Variants in RABGEF1 observed in about 807,000 individuals in gnomAD.
The protein encoded by RABGEF1 is rab5 GDP/GTP exchange factor.
In RABGEF1, 26 loss-of-function variants were observed where a neutral mutation model predicts 57.3. The observed-to-expected ratio is 0.45, with a 90% CI of 0.33 to 0.63. The LOEUF (loss-of-function observed/expected upper bound fraction) is 0.63. Ranked by LOEUF, RABGEF1 falls within the 20% of genes least tolerant of loss-of-function variation. The pLI is 0.02. For missense variants in RABGEF1, 464 were observed against 607.6 expected (o/e 0.76, Z 2.48); for synonymous variants, 185 against 210.7 (o/e 0.88, Z 1.06).
chr7:66,682,101 T>G (rs559021077), upstream of RABGEF1: 2 of 167,858 alleles, frequency 1.2e-5, no homozygotes, highest in South Asian at 4.1e-4. Context: ...GGGCGTGCGC[T>G]GGCGGTGCCG....
chr7:66,718,616 C>T (rs1220417888), intron 2 of RABGEF1, among the ~76,000 whole-genome samples: 1 of 152,132 alleles, frequency 6.6e-6, no homozygotes, highest in African/African-American at 2.4e-5. Flanking sequence ...CAACTTCCTA[C>T]CTGCACTCCG....
chr7:66,693,396 T>C lies in RABGEF1; in HGVS notation c.-873+11138T>C, dbSNP rs111536055. On this transcript the variant is annotated intron_variant and NMD_transcript_variant, in intron 1 of 9. Coordinates refer to the RABGEF1 transcript ENST00000607882. ...CTCCCCTGGCTTCCTTACTCCCTGGTTTCCTGGCCTGGGCTTCCAGGGCAG... is the reference window on the plus strand; with the variant it reads ...CTCCCCTGGCTTCCTTACTCCCTGGCTTCCTGGCCTGGGCTTCCAGGGCAG... Among the ~76,000 whole-genome samples the C allele has an allele frequency of 2.8e-3, 429 of 152,328 alleles. 1 individual carries two copies. Among genetic ancestry groups the C allele is most frequent in the African/African-American group, 9.9e-3 (413 of 41,586 alleles).
chr7:66,733,862 A>G (rs745539070), intron 2 of RABGEF1, among the ~76,000 whole-genome samples: 1 of 151,892 alleles, frequency 6.6e-6, no homozygotes, highest in Non-Finnish European at 1.5e-5. Flanking sequence ...AAAATTAGCC[A>G]GGTGTGGTGG....
At chr7:66,677,260 G>A (rs1444547615), upstream of RABGEF1, among the ~76,000 whole-genome samples, 2 of 151,982 alleles carry the variant, frequency 1.3e-5, no homozygotes, top group African/African-American at 4.8e-5. Context: ...CATGATAAAG[G>A]CCACGCCTGA....
At chr7:66,680,251 A>ATT (rs112207793), upstream of RABGEF1, among the ~76,000 whole-genome samples, 2 of 144,012 alleles carry the variant, frequency 1.4e-5, no homozygotes, top group African/African-American at 5.1e-5. Context: ...TTGTTTTCTC[A>ATT]TTTTTTTTTT....
At chr7:66,723,737 C>T (rs1190607093) in intron 2 of RABGEF1, among the ~76,000 whole-genome samples, 4 of 148,612 alleles carry the variant, frequency 2.7e-5, no homozygotes, top group South Asian at 2.3e-4. Flanking sequence ...TGTGACACCA[C>T]GCCTGGCCAC....
At chr7:66,660,362 G>A in the RABGEF1 span, among the ~76,000 whole-genome samples, 65 of 147,220 alleles carry the variant, frequency 4.4e-4, no homozygotes, top group East Asian at 8.9e-3. Context: ...AAAAAAAAAA[G>A]AAAGAAAAAA....
Position 66,698,467 on chromosome 7 carries a change from G to A in RABGEF1, c.-872-13700G>A, listed in dbSNP as rs1383127282. Among the ~76,000 whole-genome samples the A allele has an allele frequency of 5.9e-5, 9 of 152,332 alleles. No homozygotes were observed. The East Asian group carries it at 1.4e-3, about 23-fold the overall frequency. Reference sequence around the variant, plus strand: ...GGCTCACCTGGGCCCAGAGGAATCCGTTATTTCTAGGTCAGGCGCAAACAG... The same window carrying A: ...GGCTCACCTGGGCCCAGAGGAATCCATTATTTCTAGGTCAGGCGCAAACAG... On this transcript the variant is annotated intron_variant and NMD_transcript_variant, in intron 1 of 9. Transcript: ENST00000607882.
chr7:66,748,468 T>C (rs1191495159), intron 1 of RABGEF1, among the ~76,000 whole-genome samples: 1 of 152,230 alleles, frequency 6.6e-6, no homozygotes, highest in African/African-American at 2.4e-5. Flanking sequence ...TGTTGGTGAA[T>C]CACGGAACCA....
At chr7:66,663,460 C>G in the RABGEF1 span, among the ~76,000 whole-genome samples, 2 of 152,088 alleles carry the variant, frequency 1.3e-5, no homozygotes, top group Non-Finnish European at 2.9e-5. Flanking sequence ...CGCCTGTAAT[C>G]CCAGCCACTT....
chr7:66,685,930 C>G (rs1270122595), intron 1 of RABGEF1, among the ~76,000 whole-genome samples: 4 of 152,154 alleles, frequency 2.6e-5, no homozygotes, highest in African/African-American at 9.7e-5. Context: ...AAACCTAACA[C>G]CTGTGACTCA....
At chr7:66,701,993 A>G (rs961379950) in intron 1 of RABGEF1, among the ~76,000 whole-genome samples, 1 of 152,136 alleles carries the variant, frequency 6.6e-6, no homozygotes, top group Non-Finnish European at 1.5e-5. Flanking sequence ...TATTGTGCAA[A>G]TATCATCACT....
intron 5 of RABGEF1, among the ~76,000 whole-genome samples, chr7:66,795,809 T>C (rs1813891453): frequency 6.6e-6 from 1 of 152,198 alleles, no homozygotes; most frequent in African/African-American, 2.4e-5. Context: ...TTGAGTAACA[T>C]TTAATAACTC....
chr7:66,678,722 G>C (rs951526873), upstream of RABGEF1, among the ~76,000 whole-genome samples: 2 of 152,130 alleles, frequency 1.3e-5, no homozygotes, highest in African/African-American at 4.8e-5. Flanking sequence ...GCCCGGGCTG[G>C]TTTCAAACTC....
intron 2 of RABGEF1, among the ~76,000 whole-genome samples, chr7:66,730,521 C>T (rs575831286): frequency 6.6e-6 from 1 of 151,764 alleles, no homozygotes; most frequent in East Asian, 1.9e-4. Flanking sequence ...TGCAGATTAC[C>T]TGAGCTCATT....
the RABGEF1 span, among the ~76,000 whole-genome samples, chr7:66,655,076 C>A: frequency 6.6e-6 from 1 of 152,338 alleles, no homozygotes; most frequent in African/African-American, 2.4e-5. Flanking sequence ...GACGCTCGGA[C>A]CCAGACCACA....
Position 66,756,033 on chromosome 7 carries a change from C to T in RABGEF1, c.-18+15241C>T, listed in dbSNP as rs563933874. 11 of 1,488,986 alleles carry T rather than the reference C, an allele frequency of 7.4e-6. No homozygotes were observed. In the African/African-American group the frequency reaches 1.4e-4, roughly 19 times the overall value. 92.2% of individuals were successfully genotyped at this position (1,488,986 alleles called of 1,614,324 possible). On this transcript the variant is annotated intron_variant, in intron 1 of 8. Coordinates refer to ENST00000284957, the MANE Select transcript of RABGEF1 (RefSeq NM_014504.3). The stretch of plus-strand genomic sequence containing the variant: ...AACCTTGGATTACAGATTGCAAATG[C>T]TAATAAGTCTTTTATTAGAATGATG...
the RABGEF1 span, among the ~76,000 whole-genome samples, chr7:66,658,645 C>G: frequency 3.9e-5 from 6 of 152,104 alleles, no homozygotes; most frequent in East Asian, 1.2e-3. Context: ...CTGGATGGCT[C>G]CACCAGTGAA....
chr7:66,715,138 C>A (rs980085225), intron 2 of RABGEF1, among the ~76,000 whole-genome samples: 3 of 151,732 alleles, frequency 2.0e-5, no homozygotes, highest in African/African-American at 7.3e-5. Context: ...CTTCTTTCTT[C>A]TTCTCCTGAG....
Sources: gnomAD v4.1 joint callset for allele counts (sites outside exome capture counted in the v4.1 genomes callset) on GRCh38, gnomAD v4.1.1 for gene constraint, MANE v1.5 for transcripts, NCBI Gene and HGNC (gene_info 2026-07-23, HGNC 2026-07-21) for gene names.